The following CA4 variants were observed in gnomAD, a reference collection of about 807,000 sequenced individuals.
The protein encoded by CA4 is CA-IV.
CA4 carries 24 observed loss-of-function variants against 34.5 expected under a neutral mutation model. The ratio of observed to expected loss-of-function variants is 0.70; its 90% CI spans 0.50 to 0.98. The LOEUF (loss-of-function observed/expected upper bound fraction) is 0.98, where lower values mean the gene tolerates loss of function less well. Ranked by LOEUF, CA4 falls within the 50% of genes least tolerant of loss-of-function variation. The pLI, the probability that CA4 is intolerant of heterozygous loss-of-function variation, is 0.00. For missense variants in CA4, 394 were observed against 396.7 expected, an observed-to-expected ratio of 0.99 and a Z score of 0.06; for synonymous variants, 178 against 170.6, an observed-to-expected ratio of 1.04 and a Z score of -0.34.
chr17:60,161,336 G>C (rs2083786172), downstream of CA4, among the ~76,000 whole-genome samples: 1 of 152,158 alleles, frequency 6.6e-6, no homozygotes, highest in Admixed American at 6.5e-5. Context: ...GCCCGCAGCT[G>C]TCAGACCTCA....
intron 1 of CA4, chr17:60,151,348 T>A (rs971835184): frequency 6.6e-6 from 1 of 152,180 alleles, no homozygotes; most frequent in African/African-American, 2.4e-5. Flanking sequence ...CTGGCTGAGC[T>A]GTCTTAGAGG....
the CA4 span, among the ~76,000 whole-genome samples, chr17:60,177,080 T>C: frequency 1.3e-5 from 2 of 152,228 alleles, no homozygotes; most frequent in Admixed American, 1.3e-4. Context: ...TTGGGAATCC[T>C]GCTCTACAGA....
chr17:60,166,070 C>G (rs1019222695), intron 5 of CA4, among the ~76,000 whole-genome samples: 1 of 152,172 alleles, frequency 6.6e-6, no homozygotes, highest in Non-Finnish European at 1.5e-5. Flanking sequence ...TCCCGGTCAC[C>G]TCCCTCCCTA....
the CA4 span, among the ~76,000 whole-genome samples, chr17:60,178,162 TTCATTAAATACAC>T: frequency 3.3e-5 from 5 of 152,190 alleles, no homozygotes; most frequent in Non-Finnish European, 1.5e-5. Context: ...AACCACCAAT[TTCATTAAATACAC>T]TTATGAACTC....
intron 3 of CA4, chr17:60,157,074 G>T (rs1280350772): frequency 1.7e-5 from 9 of 517,222 alleles, no homozygotes; most frequent in Non-Finnish European, 3.2e-5. Flanking sequence ...GGGCAGCTGG[G>T]CTGGGGCCCA....
At chr17:60,175,668 CAAAAA>C (rs150949660), downstream of CA4, among the ~76,000 whole-genome samples, 3 of 81,558 alleles carry the variant, frequency 3.7e-5, no homozygotes, top group African/African-American at 4.1e-5. Flanking sequence ...AACTCCGTCT[CAAAAA>C]AAAAAAAAAA....
In CA4 at chr17:60,150,073, G is replaced by A; in HGVS notation, c.39G>A (p.Ala13=). ...TGGCGCTCCTGGCCCTCTCCGCGGCGCGGCCATCGGCCAGTGCAGGTGAGC... is the reference window on the plus strand; with the variant it reads ...TGGCGCTCCTGGCCCTCTCCGCGGCACGGCCATCGGCCAGTGCAGGTGAGC... ...MLLALLALSA[A]RPSASAESHW... is the part of the protein sequence containing the mutation. The change falls in exon 1 of 8, where the codon GCG becomes GCA. Residue 13 remains alanine (A), a synonymous_variant. Coordinates refer to ENST00000300900, the MANE Select transcript of CA4 (RefSeq NM_000717.5). The A allele has an allele frequency of 6.3e-7, 1 of 1,599,684 alleles. No individual in the cohort carries two copies. Among genetic ancestry groups the A allele is most frequent in the South Asian group, 1.1e-5 (1 of 90,914 alleles).
chr17:60,158,847 C>A (rs973597911), intron 7 of CA4: 18 of 413,424 alleles, frequency 4.4e-5, no homozygotes, highest in East Asian at 5.2e-5. Context: ...AAATGCTAAT[C>A]CTCAGAGCTA....
chr17:60,157,265 G>A (rs2083704320), intron 3 of CA4, among the ~76,000 whole-genome samples, 162 bp from the exon 4 acceptor site: 1 of 152,212 alleles, frequency 6.6e-6, no homozygotes, highest in Non-Finnish European at 1.5e-5. Flanking sequence ...GTCCGGGGCT[G>A]TCCCACCCTG....
intron 7 of CA4, chr17:60,158,699 C>T (rs1162340765): frequency 5.6e-5 from 31 of 556,558 alleles, no homozygotes; most frequent in Middle Eastern, 4.8e-4. Context: ...CTATCATGAA[C>T]GAGGCTCTGG....
At chr17:60,164,281 CTCCT>C (rs1400701620), downstream of CA4, among the ~76,000 whole-genome samples, 4 of 148,270 alleles carry the variant, frequency 2.7e-5, no homozygotes, top group East Asian at 3.9e-4. Context: ...CCCTCCCTCC[CTCCT>C]TTCTTTCTTT....
At chr17:60,177,542 C>A in the CA4 span, among the ~76,000 whole-genome samples, 2 of 152,120 alleles carry the variant, frequency 1.3e-5, no homozygotes, top group African/African-American at 4.8e-5. Flanking sequence ...GATTGAGCTA[C>A]CTGCTTAAAT....
chr17:60,169,838 T>A (rs555698185), intron 5 of CA4, among the ~76,000 whole-genome samples: 23 of 152,350 alleles, frequency 1.5e-4, no homozygotes, highest in African/African-American at 5.5e-4. Context: ...TTCCTCCAAA[T>A]TTACACTGGC....
chr17:60,156,041 C>G (rs1349473665), intron 2 of CA4, among the ~76,000 whole-genome samples: 4 of 152,140 alleles, frequency 2.6e-5, no homozygotes, highest in Non-Finnish European at 5.9e-5. Context: ...GTTCGGGGAA[C>G]CAGCTCCTCC....
chr17:60,155,185 G>A lies in CA4; in HGVS notation c.59-129G>A, dbSNP rs981689883. On this transcript the variant is annotated intron_variant, in intron 1 of 7. Transcript: ENST00000300900. Reference sequence around the variant, plus strand: ...CTTTTTCTGGGCCCTCAATCCTGCTGCCAGGAACACTCCATCCCAGCCCAA... The same window carrying A: ...CTTTTTCTGGGCCCTCAATCCTGCTACCAGGAACACTCCATCCCAGCCCAA... 17 of 802,208 alleles carry A rather than the reference G, an allele frequency of 2.1e-5. No individual in the cohort carries two copies. In the Admixed American group the frequency reaches 3.4e-4, roughly 16 times the overall value. 49.7% of individuals were successfully genotyped at this position (802,208 alleles called of 1,614,324 possible).
chr17:60,169,925 T>C lies in CA4; in HGVS notation c.*179-626T>C, dbSNP rs557814487. On this transcript the variant is annotated intron_variant and NMD_transcript_variant, in intron 5 of 5. Coordinates refer to the CA4 transcript ENST00000586876. ...TTTCTGAATACATATCAGTTTTGGATTGAGGCCTAACATTTCCACTACCAT... is the reference window on the plus strand; with the variant it reads ...TTTCTGAATACATATCAGTTTTGGACTGAGGCCTAACATTTCCACTACCAT... 2.0e-5 allele frequency among the ~76,000 whole-genome samples: 3 copies of C among 152,372 alleles called. No individual in the cohort carries two copies. In the South Asian group the frequency reaches 6.2e-4, roughly 32 times the overall value.
intron 3 of CA4, 73 bp downstream of exon 3, chr17:60,156,788 C>A: frequency 7.1e-7 from 1 of 1,402,458 alleles, no homozygotes; most frequent in Non-Finnish European, 1.0e-6. Context: ...GGGGCTCCTC[C>A]CAGGAGGGTG....
In CA4 at chr17:60,155,349, T is replaced by G; in HGVS notation, c.94T>G (p.Ser32Ala). The change falls in exon 2 of 8, where the codon TCC becomes GCC. Residue 32 changes from serine to alanine, a missense_variant. Physicochemically the swap from Ser to Ala is moderately conservative, Grantham distance 99. Transcript: ENST00000300900. ...GTGCTACGAGGTTCAAGCCGAGTCC[T>G]CCAACTACCCCTGCTTGGGTGAGTA... ...HWCYEVQAES[S>A]NYPCLVPVKW... 1 of 1,610,976 alleles carries G rather than the reference T, an allele frequency of 6.2e-7. No homozygotes were observed. The highest frequency in any genetic ancestry group is 8.5e-7 in the Non-Finnish European group (1 of 1,178,658).
chr17:60,156,985 C>T (rs1007629774), intron 3 of CA4: 7 of 552,396 alleles, frequency 1.3e-5, no homozygotes, highest in African/African-American at 7.6e-5. Context: ...AACAGCTCGG[C>T]GTGTTCAGAG....
Sources: gnomAD v4.1 joint callset for allele counts (sites outside exome capture counted in the v4.1 genomes callset) on GRCh38, gnomAD v4.1.1 for gene constraint, MANE v1.5 for transcripts, NCBI Gene and HGNC (gene_info 2026-07-23, HGNC 2026-07-21) for gene names.